The following DLG2 variants were observed in gnomAD, a reference collection of about 807,000 sequenced individuals.
DLG2 encodes disks large homolog 2.
A neutral mutation model predicts 132.5 loss-of-function variants in DLG2; 45 were observed. The ratio of observed to expected loss-of-function variants is 0.34; its 90% confidence interval spans 0.27 to 0.44. The LOEUF (loss-of-function observed/expected upper bound fraction) is 0.44, where lower values mean the gene tolerates loss of function less well. Among genes scored for constraint, DLG2 ranks in the 20% least tolerant of loss-of-function variants. The probability of loss-of-function intolerance (pLI) is 1.00; values close to 1 mark genes in which losing one functional copy is unlikely to be tolerated. For synonymous variants in DLG2, 424 were observed against 419.6 expected, an observed-to-expected ratio of 1.01 and a Z score of -0.13; for missense variants, 1,045 against 1,196.9, an observed-to-expected ratio of 0.87 and a Z score of 1.87.
rs565492955 is a variant in DLG2 at position 84,369,710 on chromosome 11, A to G, written c.520-118419T>C. Reference sequence around the variant, plus strand: ...CCCTTCTGAAATTTTGTAATGTGACATAAAGATTGCTGGTTGGAACTGCTG... The same window carrying G: ...CCCTTCTGAAATTTTGTAATGTGACGTAAAGATTGCTGGTTGGAACTGCTG... On this transcript the variant is annotated intron_variant, in intron 7 of 27. Coordinates refer to ENST00000376104, the MANE Select transcript of DLG2 (RefSeq NM_001142699.3). Among the ~76,000 whole-genome samples the G allele has an allele frequency of 8.3e-4, 127 of 152,314 alleles. 1 individual carries two copies. Among genetic ancestry groups the G allele is most frequent in the Non-Finnish European group, 1.4e-3 (93 of 68,032 alleles).
At chr11:83,668,149 T>C (rs1035529848) in intron 18 of DLG2, among the ~76,000 whole-genome samples, 3 of 149,640 alleles carry the variant, frequency 2.0e-5, no homozygotes, top group South Asian at 2.1e-4. Flanking sequence ...CTGATGTTCA[T>C]GGAAGCAATG....
intron 15 of DLG2, among the ~76,000 whole-genome samples, chr11:83,925,782 G>A (rs910236869): frequency 6.6e-6 from 1 of 151,994 alleles, no homozygotes; most frequent in Non-Finnish European, 1.5e-5. Flanking sequence ...ACAAATAAAT[G>A]TATGCCATAA....
At chr11:83,548,554 A>G (rs1181378193) in intron 19 of DLG2, among the ~76,000 whole-genome samples, 3 of 152,154 alleles carry the variant, frequency 2.0e-5, no homozygotes, top group African/African-American at 7.2e-5. Flanking sequence ...GAATAAAACA[A>G]CTACTCAGCA....
At chr11:83,919,543 T>A (rs922163598) in intron 15 of DLG2, among the ~76,000 whole-genome samples, 18 of 152,200 alleles carry the variant, frequency 1.2e-4, no homozygotes, top group Non-Finnish European at 2.4e-4. Flanking sequence ...TTTCTCCTTT[T>A]TTACATTACA....
At chr11:85,163,206 TACACACAC>T (rs776985320) in intron 4 of DLG2, among the ~76,000 whole-genome samples, 1 of 148,170 alleles carries the variant, frequency 6.7e-6, no homozygotes, top group Non-Finnish European at 1.5e-5. Context: ...TTATATATAT[TACACACAC>T]ACACACACAG....
chr11:85,456,724 T>A (rs1462085557), intron 3 of DLG2, among the ~76,000 whole-genome samples: 1 of 152,184 alleles, frequency 6.6e-6, no homozygotes, highest in Non-Finnish European at 1.5e-5. Context: ...TCCCTATTTA[T>A]CCAAAAATCA....
chr11:85,195,406 A>C (rs1189974102), intron 4 of DLG2, among the ~76,000 whole-genome samples: 1 of 152,176 alleles, frequency 6.6e-6, no homozygotes, highest in Non-Finnish European at 1.5e-5. Context: ...AATTTAGATC[A>C]AAGGTCTGAG....
intron 7 of DLG2, among the ~76,000 whole-genome samples, chr11:84,323,425 G>T (rs2098415359): frequency 6.6e-6 from 1 of 151,872 alleles, no homozygotes; most frequent in Non-Finnish European, 1.5e-5. Flanking sequence ...AGCATATTTT[G>T]TTTATCCATT....
At chr11:84,985,613 A>C (rs918967321) in intron 6 of DLG2, among the ~76,000 whole-genome samples, 2 of 152,156 alleles carry the variant, frequency 1.3e-5, no homozygotes, top group African/African-American at 4.8e-5. Flanking sequence ...AGCAGAAGAA[A>C]GGAAATAACC....
At chr11:85,415,799 G>A (rs572017669) in intron 3 of DLG2, among the ~76,000 whole-genome samples, 2 of 152,118 alleles carry the variant, frequency 1.3e-5, no homozygotes, top group African/African-American at 4.8e-5. Context: ...CATTCTGTAG[G>A]TTGCCTGCTC....
chr11:84,981,682 T>C (rs368800872), intron 6 of DLG2, among the ~76,000 whole-genome samples: 1 of 152,112 alleles, frequency 6.6e-6, no homozygotes, highest in Admixed American at 6.5e-5. Context: ...TAAGCCTTTC[T>C]ACCTAAAAAA....
chr11:84,515,468 T>TA (rs1471813633), intron 7 of DLG2, among the ~76,000 whole-genome samples: 2 of 151,326 alleles, frequency 1.3e-5, no homozygotes, highest in African/African-American at 4.9e-5. Context: ...AGACTTTAAG[T>TA]AAAAAAATCA....
chr11:83,795,898 A>T (rs950637141), intron 17 of DLG2, among the ~76,000 whole-genome samples: 1 of 152,168 alleles, frequency 6.6e-6, no homozygotes, highest in African/African-American at 2.4e-5. Flanking sequence ...TGACCTTTTA[A>T]AATTTCTCTG....
intron 6 of DLG2, among the ~76,000 whole-genome samples, chr11:84,864,731 C>T (rs963637903): frequency 2.6e-5 from 4 of 152,076 alleles, no homozygotes; most frequent in Non-Finnish European, 5.9e-5. Context: ...AGAGATTCAA[C>T]TAATTGTTAT....
intron 6 of DLG2, among the ~76,000 whole-genome samples, chr11:84,599,812 G>A (rs1452675222): frequency 3.3e-5 from 5 of 152,038 alleles, no homozygotes; most frequent in African/African-American, 9.6e-5. Context: ...CAGGCAGATC[G>A]CTTGAGCCCA....
At chr11:83,507,848 CA>C (rs1427166929) in intron 21 of DLG2, among the ~76,000 whole-genome samples, 1 of 145,680 alleles carries the variant, frequency 6.9e-6, no homozygotes, top group Admixed American at 7.1e-5. Flanking sequence ...CAAGGTCCCA[CA>C]AAAGGCCATC....
At chr11:83,777,646 T>C (rs538773523) in intron 18 of DLG2, among the ~76,000 whole-genome samples, 131 of 152,240 alleles carry the variant, frequency 8.6e-4, no homozygotes, top group African/African-American at 3.1e-3. Flanking sequence ...CAAGAAACAA[T>C]AAATGCTTCT....
chr11:83,717,227 C>T (rs772996487), intron 18 of DLG2, among the ~76,000 whole-genome samples: 7 of 152,156 alleles, frequency 4.6e-5, no homozygotes, highest in Non-Finnish European at 7.3e-5. Flanking sequence ...CCCTAAAAAA[C>T]GACCACCAAT....
intron 7 of DLG2, among the ~76,000 whole-genome samples, chr11:84,287,037 T>C (rs1035968456): frequency 3.3e-5 from 5 of 152,214 alleles, no homozygotes; most frequent in East Asian, 1.9e-4. Context: ...TTGATAATGA[T>C]GTTTATGTCA....
Sources: allele counts gnomAD v4.1 joint callset (sites outside exome capture counted in the v4.1 genomes callset), GRCh38; gene constraint gnomAD v4.1.1; transcripts MANE v1.5; gene names NCBI Gene and HGNC (gene_info 2026-07-23, HGNC 2026-07-21).